The following GDAP1 variants were observed in gnomAD, a reference collection of about 807,000 sequenced individuals.
GDAP1 encodes ganglioside-induced differentiation-associated protein 1.
Under a neutral mutation model 40.1 loss-of-function variants are expected in GDAP1, and 34 were observed. The ratio of observed to expected loss-of-function variants is 0.85; its 90% CI spans 0.64 to 1.13. The LOEUF is 1.13. Among genes scored for constraint, GDAP1 ranks in the 50% most tolerant of loss-of-function variants. The pLI, the probability that GDAP1 is intolerant of heterozygous loss-of-function variation, is 0.00. For missense variants in GDAP1, 374 were observed against 433.7 expected, an observed-to-expected ratio of 0.86 and a Z score of 1.22; for synonymous variants, 170 against 157.4, an observed-to-expected ratio of 1.08 and a Z score of -0.60.
intron 2 of GDAP1, among the ~76,000 whole-genome samples, chr8:74,380,258 G>A (rs867615711): frequency 6.6e-6 from 1 of 152,062 alleles, no homozygotes; most frequent in Non-Finnish European, 1.5e-5. Context: ...TGAGATTCAC[G>A]GTATAAAAAT....
chr8:74,351,531 C>G (rs1420539679), intron 2 of GDAP1, 65 bp downstream of exon 2: 2 of 1,132,200 alleles, frequency 1.8e-6, no homozygotes, highest in Non-Finnish European at 1.3e-6. Context: ...TTCCCTTTCT[C>G]TTTTTCTCTC....
intron 2 of GDAP1, among the ~76,000 whole-genome samples, chr8:74,478,085 T>A (rs775084716): frequency 1.4e-5 from 2 of 146,876 alleles, no homozygotes; most frequent in Non-Finnish European, 3.0e-5. Flanking sequence ...CTGGCAGCAG[T>A]GTTAGCACAG....
downstream of GDAP1, among the ~76,000 whole-genome samples, chr8:74,371,705 C>T (rs998403310): frequency 1.3e-5 from 2 of 151,686 alleles, no homozygotes; most frequent in African/African-American, 4.8e-5. Flanking sequence ...TAAAAATACA[C>T]TTCAGAATTT....
chr8:74,351,550 CTCTCTT>C (rs1808877919), intron 2 of GDAP1, 84 bp downstream of exon 2: 3 of 998,786 alleles, frequency 3.0e-6, no homozygotes, highest in Non-Finnish European at 4.8e-6. Flanking sequence ...TCTCTCCTCT[CTCTCTT>C]TCTCTTGTGT....
At chr8:74,399,654 T>C (rs1168367744) in intron 2 of GDAP1, among the ~76,000 whole-genome samples, 2 of 133,886 alleles carry the variant, frequency 1.5e-5, no homozygotes. Context: ...GGTGTCAATT[T>C]TGGATCTTTC....
At chr8:74,456,897 AGAG>A (rs748331062) in intron 2 of GDAP1, among the ~76,000 whole-genome samples, 1 of 152,044 alleles carries the variant, frequency 6.6e-6, no homozygotes, top group Non-Finnish European at 1.5e-5. Flanking sequence ...ATCTGTAAGG[AGAG>A]GAGAAGGAAA....
chr8:74,407,700 C>G (rs924293970), intron 2 of GDAP1, among the ~76,000 whole-genome samples: 1 of 60,858 alleles, frequency 1.6e-5, no homozygotes, highest in Non-Finnish European at 4.4e-5. Flanking sequence ...CTAGAAAACC[C>G]TGACTAATAT....
chr8:74,403,681 G>A (rs941812972), intron 2 of GDAP1, among the ~76,000 whole-genome samples: 2 of 150,212 alleles, frequency 1.3e-5, no homozygotes, highest in African/African-American at 2.5e-5. Context: ...TGACCTTGCC[G>A]GGTCTCTGTA....
chr8:74,362,773 T>TCG (rs1563443987), intron 4 of GDAP1, among the ~76,000 whole-genome samples, 166 bp from the exon 5 acceptor site: 3 of 48,410 alleles, frequency 6.2e-5, no homozygotes, highest in Non-Finnish European at 1.1e-4. Flanking sequence ...TCAACTTAGC[T>TCG]CTCTCTCTCT....
intron 2 of GDAP1, among the ~76,000 whole-genome samples, chr8:74,439,957 T>C (rs1308728314): frequency 6.6e-6 from 1 of 152,170 alleles, no homozygotes; most frequent in Admixed American, 6.6e-5. Context: ...TTTATTTTTG[T>C]AAGTGATATT....
rs1230929562 is a variant in GDAP1 at position 74,422,344 on chromosome 8, T to TC, written c.166-66333dup. Among the ~76,000 whole-genome samples the TC allele has an allele frequency of 7.5e-4, 37 of 49,430 alleles. 1 individual carries two copies. The highest frequency in any genetic ancestry group is 3.0e-3 in the African/African-American group (34 of 11,232). 32.4% of individuals were successfully genotyped at this position (49,430 alleles called of 152,430 possible). On this transcript the variant is annotated intron_variant, in intron 2 of 2. Transcript: ENST00000523640. ...TTCTTTCTTTCTTTCTTTCTTTCTT[T>TC]CTTTCTTCCCTTCCTTCCTTCCTTC...
intron 2 of GDAP1, among the ~76,000 whole-genome samples, chr8:74,424,299 C>T (rs1805920803): frequency 6.6e-6 from 1 of 151,984 alleles, no homozygotes; most frequent in Non-Finnish European, 1.5e-5. Context: ...ATTGTCAATC[C>T]ACGCTGATTG....
chr8:74,433,647 G>A (rs1302812299), intron 2 of GDAP1, among the ~76,000 whole-genome samples: 1 of 152,088 alleles, frequency 6.6e-6, no homozygotes, highest in African/African-American at 2.4e-5. Flanking sequence ...GTTCAACCTG[G>A]TATCTTCAAC....
intron 2 of GDAP1, among the ~76,000 whole-genome samples, chr8:74,423,382 G>C (rs534946697): frequency 1.4e-5 from 2 of 145,920 alleles, no homozygotes; most frequent in East Asian, 4.0e-4. Context: ...TAGTATATAT[G>C]TATACTGTAT....
At position 74,363,152 on chromosome 8, in the gene GDAP1, ATTG is replaced by A. The variant is rs1409353750; in HGVS notation, c.694+105_694+107del. 101 of 708,740 alleles carry A rather than the reference ATTG, an allele frequency of 1.4e-4. 1 individual carries two copies. The East Asian group carries it at 2.2e-3, about 15-fold the overall frequency. 43.9% of individuals were successfully genotyped at this position (708,740 alleles called of 1,614,324 possible). Reference sequence around the variant, plus strand: ...AAAAACGTTCTGTAATCTGCTTTTCATTGTTGTTATTCACAGGCAGTTTTAATT... The same window carrying A: ...AAAAACGTTCTGTAATCTGCTTTTCATTGTTATTCACAGGCAGTTTTAATT... On this transcript the variant is annotated intron_variant, in intron 5 of 5. Coordinates refer to ENST00000220822, the MANE Select transcript of GDAP1 (RefSeq NM_018972.4).
rs189838674 is a variant in GDAP1, at chr8:74,401,660, C to T, written c.165+50339C>T. 6.0e-3 allele frequency among the ~76,000 whole-genome samples: 905 copies of T among 149,722 alleles called. 88 individuals carry two copies. The highest frequency in any genetic ancestry group is 0.021 in the African/African-American group (837 of 39,156). On this transcript the variant is annotated intron_variant, in intron 2 of 2. Coordinates refer to the GDAP1 transcript ENST00000523640. ...TTTAGAGTTTCCAGTTTTTCTGCTCCGTTTTTTTCCCCATCTTTGTGGTTT... is the reference window on the plus strand; with the variant it reads ...TTTAGAGTTTCCAGTTTTTCTGCTCTGTTTTTTTCCCCATCTTTGTGGTTT...
rs1189529300 is a variant in GDAP1 at position 74,399,418 on chromosome 8, T to C, written c.165+48097T>C. On this transcript the variant is annotated intron_variant, in intron 2 of 2. Coordinates refer to the GDAP1 transcript ENST00000523640. ...ATATCCCCTTTATCATTTTTTATTG[T>C]GTCTATTTGATTCTTCTCTCTTTTC... Among the ~76,000 whole-genome samples, 16 of 149,696 alleles carry C rather than the reference T, an allele frequency of 1.1e-4. 1 individual carries two copies. Among genetic ancestry groups the C allele is most frequent in the South Asian group, 8.3e-4 (4 of 4,826 alleles).
At chr8:74,361,246 C>T (rs909322977) in intron 3 of GDAP1, among the ~76,000 whole-genome samples, 4 of 151,972 alleles carry the variant, frequency 2.6e-5, no homozygotes, top group African/African-American at 9.7e-5. Flanking sequence ...CTTTTTCCTC[C>T]CTTCATATAG....
chr8:74,466,057 A>G (rs1210358483), intron 2 of GDAP1, among the ~76,000 whole-genome samples: 3 of 152,222 alleles, frequency 2.0e-5, no homozygotes, highest in Non-Finnish European at 2.9e-5. Flanking sequence ...GGATACTGCC[A>G]TACTCATTTT....
Sources: allele counts gnomAD v4.1 joint callset (sites outside exome capture counted in the v4.1 genomes callset), GRCh38; gene constraint gnomAD v4.1.1; transcripts MANE v1.5; gene names NCBI Gene and HGNC (gene_info 2026-07-23, HGNC 2026-07-21).